BACH1: variants seen among roughly 807,000 people sequenced by gnomAD.
BACH1 encodes the protein BTB domain and CNC homolog 1.
BACH1 carries 35 observed loss-of-function variants against 52.9 expected under a neutral mutation model. That is an observed-to-expected ratio of 0.66 (90% CI 0.51 to 0.88). The LOEUF (loss-of-function observed/expected upper bound fraction) is 0.88. Among genes scored for constraint, BACH1 ranks in the 40% least tolerant of loss-of-function variants. BACH1 has a pLI of 0.00. For synonymous variants in BACH1, 321 were observed against 319.6 expected (o/e 1.00, Z -0.05); for missense variants, 808 against 872.6 (o/e 0.93, Z 0.93).
chr21:29,333,843 C>G (rs2089013097), intron 4 of BACH1, among the ~76,000 whole-genome samples: 1 of 152,112 alleles, frequency 6.6e-6, no homozygotes, highest in Non-Finnish European at 1.5e-5. Flanking sequence ...TGTGTTGGGA[C>G]AAAGGGAGAT....
chr21:29,322,244 C>G (rs375558196), intron 2 of BACH1, among the ~76,000 whole-genome samples: 2 of 152,272 alleles, frequency 1.3e-5, no homozygotes, highest in East Asian at 3.9e-4. Context: ...AACCATATCA[C>G]TAGGTTTAGG....
intron 2 of BACH1, among the ~76,000 whole-genome samples, chr21:29,324,696 A>C (rs1209046345): frequency 6.6e-6 from 1 of 151,912 alleles, no homozygotes; most frequent in Non-Finnish European, 1.5e-5. Flanking sequence ...TTTTTGTGTG[A>C]ACATAAATTT....
At chr21:29,342,318 C>T in intron 4 of BACH1, 81 bp from the exon 5 acceptor site, 1 of 1,337,180 alleles carries the variant, frequency 7.5e-7, no homozygotes, top group Non-Finnish European at 1.0e-6. Flanking sequence ...TGAGAAGCCC[C>T]TGTATATTAT....
chr21:29,351,723 A>C lies in BACH1; in HGVS notation c.472+22030A>C, dbSNP rs185625321. ...GCTCAGACAGCTCTGTTTCAGCTAA[A>C]CAGTAACATCTGGGAGGGAAGCTTA... is the stretch of plus-strand genomic sequence containing the variant. On this transcript the variant is annotated intron_variant, in intron 2 of 4. Coordinates refer to the BACH1 transcript ENST00000422809. 6.9e-5 allele frequency: 37 copies of C among 534,750 alleles called. No individual in the cohort carries two copies. In the East Asian group the frequency reaches 1.9e-3, roughly 28 times the overall value. 33.1% of individuals were successfully genotyped at this position (534,750 alleles called of 1,614,324 possible). A position where few individuals can be genotyped will look rare whatever the true frequency, so the allele number is the denominator to read the frequency against.
chr21:29,308,372 G>A (rs1328396296), intron 1 of BACH1, among the ~76,000 whole-genome samples: 1 of 152,200 alleles, frequency 6.6e-6, no homozygotes, highest in East Asian at 1.9e-4. Context: ...AGACATTTCA[G>A]TTTAGTATCT....
At chr21:29,299,411 C>G (rs527332029) in intron 1 of BACH1, 1 of 152,936 alleles carries the variant, frequency 6.5e-6, no homozygotes, top group Non-Finnish European at 1.5e-5. Flanking sequence ...CATGCCCAGC[C>G]TCGCGTCTAC....
intron 2 of BACH1, 70 bp downstream of exon 2, chr21:29,321,584 A>G: frequency 1.4e-6 from 2 of 1,402,720 alleles, no homozygotes; most frequent in Non-Finnish European, 9.8e-7. Context: ...ATAATGTTGA[A>G]AATAAAGCAC....
chr21:29,315,421 G>A (rs1400997178), intron 1 of BACH1, among the ~76,000 whole-genome samples: 2 of 152,212 alleles, frequency 1.3e-5, no homozygotes, highest in African/African-American at 2.4e-5. Context: ...TGAGGTGAAA[G>A]TAATTGACAG....
intron 2 of BACH1, among the ~76,000 whole-genome samples, chr21:29,324,738 A>G (rs1256522529): frequency 6.6e-6 from 1 of 152,182 alleles, no homozygotes; most frequent in Admixed American, 6.5e-5. Flanking sequence ...CCAGGAGTGC[A>G]GTTGCTGGGT....
At chr21:29,352,022 A>G (rs902743292) in intron 2 of BACH1, among the ~76,000 whole-genome samples, 1 of 152,128 alleles carries the variant, frequency 6.6e-6, no homozygotes, top group African/African-American at 2.4e-5. Flanking sequence ...AGGAATAGAA[A>G]GAACATAAAC....
intron 2 of BACH1, among the ~76,000 whole-genome samples, chr21:29,354,623 A>G (rs184251285): frequency 9.8e-5 from 15 of 152,316 alleles, no homozygotes; most frequent in Admixed American, 7.2e-4. Context: ...CCTTTCTTGA[A>G]CAACAGAGTG....
At chr21:29,359,284 G>C (rs758057061) in intron 2 of BACH1, 3 of 151,300 alleles carry the variant, frequency 2.0e-5, no homozygotes, top group East Asian at 3.9e-4. Flanking sequence ...TTGACACAAT[G>C]ATTGTCTCTT....
At chr21:29,354,991 G>C (rs1008931223) in intron 2 of BACH1, among the ~76,000 whole-genome samples, 2 of 152,168 alleles carry the variant, frequency 1.3e-5, no homozygotes, top group Non-Finnish European at 2.9e-5. Context: ...TCAGAAGCAA[G>C]CAAGATCTTG....
intron 1 of BACH1, chr21:29,305,357 C>G (rs1248519903): frequency 6.6e-6 from 1 of 152,122 alleles, no homozygotes; most frequent in Non-Finnish European, 1.5e-5. Context: ...TTCGTTGTCT[C>G]TTTGTGGTAA....
At chr21:29,341,566 T>C (rs2089113113) in intron 4 of BACH1, among the ~76,000 whole-genome samples, 2 of 152,318 alleles carry the variant, frequency 1.3e-5, no homozygotes, top group South Asian at 4.1e-4. Flanking sequence ...AGAAAAACTT[T>C]TGAAAAATTC....
At chr21:29,355,251 G>T (rs1462336238) in intron 2 of BACH1, among the ~76,000 whole-genome samples, 1 of 152,142 alleles carries the variant, frequency 6.6e-6, no homozygotes, top group Non-Finnish European at 1.5e-5. Flanking sequence ...GTGCTGATTG[G>T]TCCGTTTTTA....
In BACH1 at chr21:29,324,231, CAA is replaced by C. The variant is rs35915821; in HGVS notation, c.235-1808_235-1807del. On this transcript the variant is annotated intron_variant, in intron 2 of 4. Coordinates refer to ENST00000286800, the MANE Select transcript of BACH1 (RefSeq NM_001186.4). The stretch of plus-strand genomic sequence containing the variant: ...TGGGTGACAGAGAGAGACTCTGCCT[CAA>C]AAAAAAAAAAAAAAAAAAAGGAACT... Among the ~76,000 whole-genome samples the C allele has an allele frequency of 2.2e-4, 14 of 63,168 alleles. No homozygotes were observed. The East Asian group carries it at 3.7e-3, about 16-fold the overall frequency. 41.4% of individuals were successfully genotyped at this position (63,168 alleles called of 152,430 possible).
chr21:29,333,720 G>A (rs867453661), intron 4 of BACH1, among the ~76,000 whole-genome samples: 35 of 152,308 alleles, frequency 2.3e-4, no homozygotes, highest in Middle Eastern at 3.4e-3. Flanking sequence ...GGATCAGCAT[G>A]TGATAAAAAG....
At position 29,331,261 on chromosome 21, in the gene BACH1, G is replaced by T. The variant is rs571991135; in HGVS notation, c.1776+1568G>T. On this transcript the variant is annotated intron_variant, in intron 4 of 4. Coordinates refer to ENST00000286800, the MANE Select transcript of BACH1 (RefSeq NM_001186.4). ...GAAATCTACATAAAATTGTACTACT[G>T]AAGTTCTTAGTTATGCTTCTTAGTT... Among the ~76,000 whole-genome samples the T allele has an allele frequency of 1.9e-4, 29 of 152,284 alleles. No homozygotes were observed. The East Asian group carries it at 5.0e-3, about 26-fold the overall frequency.
Sources: allele counts gnomAD v4.1 joint callset (sites outside exome capture counted in the v4.1 genomes callset), GRCh38; gene constraint gnomAD v4.1.1; transcripts MANE v1.5; gene names NCBI Gene and HGNC (gene_info 2026-07-23, HGNC 2026-07-21).